Variants in LRRC37A2 observed in about 807,000 individuals in gnomAD.
The protein encoded by LRRC37A2 is leucine-rich repeat-containing protein 37A2.
LRRC37A2 carries 9 observed loss-of-function variants against 68.8 expected under a neutral mutation model. The ratio of observed to expected loss-of-function variants is 0.13; its 90% CI spans 0.08 to 0.23. The LOEUF (loss-of-function observed/expected upper bound fraction) is 0.23. Among genes scored for constraint, LRRC37A2 ranks in the 10% least tolerant of loss-of-function variants. LRRC37A2 has a pLI of 1.00. For missense variants in LRRC37A2, 168 were observed against 950.4 expected (o/e 0.18, Z 10.82); for synonymous variants, 63 against 367.6 (o/e 0.17, Z 9.48).
At chr17:46,896,416 AAG>A in the LRRC37A2 span, among the ~76,000 whole-genome samples, 1 of 78,174 alleles carries the variant, frequency 1.3e-5, no homozygotes, top group African/African-American at 1.0e-4. Context: ...GAAAGAAAGA[AAG>A]AAAGAAAGAA....
the LRRC37A2 span, chr17:46,768,227 G>A: frequency 1.9e-6 from 3 of 1,570,862 alleles, no homozygotes; most frequent in Middle Eastern, 2.3e-4. The surrounding 1 kb of genome is among the most constrained non-coding windows in gnomAD (Gnocchi z 5.0). Flanking sequence ...AAACAGAAGG[G>A]GGTCGTCAAG....
At chr17:46,906,816 C>T in the LRRC37A2 span, among the ~76,000 whole-genome samples, 2 of 152,034 alleles carry the variant, frequency 1.3e-5, no homozygotes, top group South Asian at 4.2e-4. Flanking sequence ...AGAGTTGAAG[C>T]TTTTACCTAA....
the LRRC37A2 span, among the ~76,000 whole-genome samples, chr17:46,991,126 A>G: frequency 6.6e-6 from 1 of 152,260 alleles, no homozygotes; most frequent in South Asian, 2.1e-4. Context: ...TTTGAATGTC[A>G]CTGGTACTGA....
chr17:46,706,860 A>AT, the LRRC37A2 span, among the ~76,000 whole-genome samples: 1 of 138,432 alleles, frequency 7.2e-6, no homozygotes, highest in African/African-American at 2.7e-5. Context: ...TTATTTATTT[A>AT]TTTTTTTTGA....
the LRRC37A2 span, among the ~76,000 whole-genome samples, chr17:46,887,413 C>T: frequency 6.8e-6 from 1 of 146,134 alleles, no homozygotes; most frequent in Non-Finnish European, 1.5e-5. Flanking sequence ...CACCTTTCTT[C>T]TCTGAGCCTC....
the LRRC37A2 span, among the ~76,000 whole-genome samples, chr17:46,492,146 G>A: frequency 6.6e-6 from 1 of 151,490 alleles, no homozygotes; most frequent in Non-Finnish European, 1.5e-5. Context: ...GGTATTTTCA[G>A]TAGAGACAGG....
At chr17:46,772,224 CA>C in the LRRC37A2 span, among the ~76,000 whole-genome samples, 4 of 152,174 alleles carry the variant, frequency 2.6e-5, no homozygotes, top group South Asian at 4.1e-4. Context: ...CCGCCGCCAG[CA>C]AATTCCCAAA....
chr17:46,744,106 G>A, the LRRC37A2 span, among the ~76,000 whole-genome samples: 5 of 152,014 alleles, frequency 3.3e-5, no homozygotes, highest in Non-Finnish European at 5.9e-5. Flanking sequence ...GGTGCCCTCC[G>A]CCATGATTAG....
chr17:46,819,013 T>G, the LRRC37A2 span, among the ~76,000 whole-genome samples: 7 of 152,118 alleles, frequency 4.6e-5, no homozygotes, highest in African/African-American at 7.2e-5. This position sits in a 1 kb window ranked among gnomAD's most constrained non-coding sequence, Gnocchi z 5.3. Context: ...GCGCGGGGGC[T>G]TTGACCCGGG....
chr17:46,728,946 C>A, the LRRC37A2 span: 1 of 1,479,610 alleles, frequency 6.8e-7, no homozygotes, highest in Non-Finnish European at 9.4e-7. Flanking sequence ...TAAAATAATA[C>A]TACTAATAAG....
At chr17:46,811,160 C>G in the LRRC37A2 span, among the ~76,000 whole-genome samples, 1 of 100,998 alleles carries the variant, frequency 9.9e-6, no homozygotes, top group African/African-American at 3.0e-5. Flanking sequence ...CAACTCTACC[C>G]CTGCCCGCCC....
the LRRC37A2 span, among the ~76,000 whole-genome samples, chr17:46,730,889 C>T: frequency 6.6e-6 from 1 of 152,124 alleles, no homozygotes; most frequent in African/African-American, 2.4e-5. Flanking sequence ...GCTAGAATGG[C>T]TATCATCAAA....
chr17:46,899,588 G>C, the LRRC37A2 span, among the ~76,000 whole-genome samples: 1 of 152,120 alleles, frequency 6.6e-6, no homozygotes, highest in Non-Finnish European at 1.5e-5. Flanking sequence ...ACAGAAAACA[G>C]ATTAGTGGTT....
chr17:46,831,722 G>A, the LRRC37A2 span, among the ~76,000 whole-genome samples: 10 of 152,222 alleles, frequency 6.6e-5, no homozygotes, highest in Non-Finnish European at 1.2e-4. Flanking sequence ...ACAGAGGAGG[G>A]GACTGGGAAA....
chr17:46,492,998 G>GTTTT, the LRRC37A2 span, among the ~76,000 whole-genome samples: 2 of 130,118 alleles, frequency 1.5e-5, no homozygotes, highest in Non-Finnish European at 3.2e-5. Flanking sequence ...CTGGCCTCAA[G>GTTTT]TTTTTTTTTT....
the LRRC37A2 span, chr17:46,936,089 A>G: frequency 2.0e-6 from 2 of 985,712 alleles, no homozygotes; most frequent in Non-Finnish European, 2.4e-6. Context: ...TGCAAGTGAC[A>G]CTCACCTCCT....
At chr17:46,905,552 C>G in the LRRC37A2 span, among the ~76,000 whole-genome samples, 1 of 152,236 alleles carries the variant, frequency 6.6e-6, no homozygotes, top group Admixed American at 6.5e-5. Flanking sequence ...AGAGAGCAAG[C>G]CCTGGTGCAG....
chr17:46,962,803 T>TCA, the LRRC37A2 span, among the ~76,000 whole-genome samples: 1 of 152,214 alleles, frequency 6.6e-6, no homozygotes, highest in East Asian at 1.9e-4. Flanking sequence ...TCATGAAAGA[T>TCA]AATGAAGTGG....
At chr17:46,421,180 C>T in the LRRC37A2 span, among the ~76,000 whole-genome samples, 1 of 62,122 alleles carries the variant, frequency 1.6e-5, no homozygotes, top group East Asian at 2.5e-4. Flanking sequence ...ATCCTCCCAC[C>T]TCGGCCTCCC....
Sources: gnomAD v4.1 joint callset for allele counts (sites outside exome capture counted in the v4.1 genomes callset) on GRCh38, gnomAD v4.1.1 for gene constraint, Gnocchi (gnomAD v3.1) non-coding constraint, MANE v1.5 for transcripts, NCBI Gene and HGNC (gene_info 2026-07-23, HGNC 2026-07-21) for gene names.